Variants in CYP7B1 observed in about 807,000 individuals in gnomAD.
CYP7B1 encodes the protein cytochrome P450 7B1.
In CYP7B1, 29 loss-of-function variants were observed where a neutral mutation model predicts 42.7. That is an observed-to-expected ratio of 0.68 (90% CI 0.51 to 0.93). CYP7B1 has a LOEUF of 0.93. Among genes scored for constraint, CYP7B1 ranks in the 40% least tolerant of loss-of-function variants. The pLI is 0.00. For missense variants in CYP7B1, 655 were observed against 600.5 expected, an observed-to-expected ratio of 1.09 and a Z score of -0.95; for synonymous variants, 235 against 218.2, an observed-to-expected ratio of 1.08 and a Z score of -0.68.
chr8:64,782,328 T>C (rs761164877), intron 1 of CYP7B1, among the ~76,000 whole-genome samples: 25 of 152,114 alleles, frequency 1.6e-4, no homozygotes, highest in Admixed American at 1.3e-4. Flanking sequence ...GTCATGAAGG[T>C]GGAGCTCTCA....
chr8:64,626,835 A>T (rs1229208043), intron 1 of CYP7B1, among the ~76,000 whole-genome samples: 1 of 152,258 alleles, frequency 6.6e-6, no homozygotes, highest in Non-Finnish European at 1.5e-5. Context: ...TGCTACATGC[A>T]GTGCAACTCA....
chr8:64,623,657 T>C (rs967752814), intron 2 of CYP7B1, among the ~76,000 whole-genome samples: 3 of 152,236 alleles, frequency 2.0e-5, no homozygotes, highest in African/African-American at 7.2e-5. Flanking sequence ...GCTGTTTTTT[T>C]CTTCATTTTT....
intron 1 of CYP7B1, among the ~76,000 whole-genome samples, chr8:64,720,848 A>G (rs1807225017): frequency 6.6e-6 from 1 of 152,082 alleles, no homozygotes; most frequent in Non-Finnish European, 1.5e-5. Flanking sequence ...TGAAAGTGCT[A>G]TATACTTTCT....
In CYP7B1 at chr8:64,685,200, C is replaced by T. The variant is rs941288224; in HGVS notation, c.123-60661G>A. ...GGGAGGCAGCGGCTGGAGGAGCGGA[C>T]GGGCCCCGCGGGGCCCGAGGGCAAG... On this transcript the variant is annotated intron_variant, in intron 1 of 5. Transcript: ENST00000310193. Among the ~76,000 whole-genome samples the T allele has an allele frequency of 8.7e-4, 132 of 151,370 alleles. 1 individual carries two copies. The highest frequency in any genetic ancestry group is 4.6e-3 in the South Asian group (22 of 4,760).
At chr8:64,628,602 C>T (rs903548462) in intron 1 of CYP7B1, among the ~76,000 whole-genome samples, 9 of 151,708 alleles carry the variant, frequency 5.9e-5, no homozygotes, top group South Asian at 2.1e-4. Context: ...GAGCCAAGAT[C>T]GCACCACTGC....
chr8:64,661,275 T>C (rs1806195921), intron 1 of CYP7B1, among the ~76,000 whole-genome samples: 1 of 152,100 alleles, frequency 6.6e-6, no homozygotes, highest in African/African-American at 2.4e-5. Flanking sequence ...ATGTCATAGG[T>C]TTCTTCGAGT....
At chr8:64,764,936 C>A (rs567329918) in intron 1 of CYP7B1, among the ~76,000 whole-genome samples, 1 of 151,452 alleles carries the variant, frequency 6.6e-6, no homozygotes, top group Non-Finnish European at 1.5e-5. Flanking sequence ...TCCGACCAGA[C>A]CTAGACAGGA....
intron 1 of CYP7B1, among the ~76,000 whole-genome samples, chr8:64,709,469 A>G (rs77339438): frequency 2.0e-5 from 3 of 152,354 alleles, no homozygotes; most frequent in African/African-American, 7.2e-5. Flanking sequence ...ATGTATATAT[A>G]GTCATTCAAG....
At chr8:64,755,363 T>C (rs1180952014) in intron 1 of CYP7B1, among the ~76,000 whole-genome samples, 1 of 152,192 alleles carries the variant, frequency 6.6e-6, no homozygotes, top group Non-Finnish European at 1.5e-5. Context: ...ATCCCATCCA[T>C]TGTCTGTCTG....
At position 64,617,940 on chromosome 8, in the gene CYP7B1, A is replaced by T. The variant is rs561283143; in HGVS notation, c.260-1659T>A. Among the ~76,000 whole-genome samples, 21 of 150,094 alleles carry T rather than the reference A, an allele frequency of 1.4e-4. No individual in the cohort carries two copies. The South Asian group carries it at 3.9e-3, about 28-fold the overall frequency. Reference sequence around the variant, plus strand: ...TCTAAAAATGACTCAGATGACTTAAATTTTATTCACTCATTTTCCCCTTGA... The same window carrying T: ...TCTAAAAATGACTCAGATGACTTAATTTTTATTCACTCATTTTCCCCTTGA... On this transcript the variant is annotated intron_variant, in intron 2 of 5. Transcript: ENST00000310193.
rs1186991086 is a variant in CYP7B1, at chr8:64,592,934, G to C, written c.*3708C>G. ...GTTACTGGATTTAAGACTGTCACAA[G>C]ATTCTCAATGTTTTGTTTTGGTTCT... On this transcript the variant is annotated 3_prime_UTR_variant, in exon 6 of 6. Coordinates refer to ENST00000310193, the MANE Select transcript of CYP7B1 (RefSeq NM_004820.5). 6.6e-6 allele frequency among the ~76,000 whole-genome samples: 1 copy of C among 152,120 alleles called. No individual in the cohort carries two copies. Among genetic ancestry groups the C allele is most frequent in the Non-Finnish European group, 1.5e-5 (1 of 68,020 alleles).
chr8:64,754,970 A>C (rs1328704112), intron 1 of CYP7B1, among the ~76,000 whole-genome samples: 1 of 152,176 alleles, frequency 6.6e-6, no homozygotes, highest in Non-Finnish European at 1.5e-5. Context: ...TTTCAAGGAG[A>C]CCAAGAAGTG....
At chr8:64,689,485 T>G (rs1806706164) in intron 1 of CYP7B1, among the ~76,000 whole-genome samples, 1 of 152,212 alleles carries the variant, frequency 6.6e-6, no homozygotes, top group Admixed American at 6.5e-5. Flanking sequence ...TGAATGAAAT[T>G]GGTCCATGTT....
chr8:64,773,358 G>A (rs1434287343), intron 1 of CYP7B1, among the ~76,000 whole-genome samples: 3 of 152,104 alleles, frequency 2.0e-5, no homozygotes, highest in Non-Finnish European at 2.9e-5. Flanking sequence ...ACTATTCCCA[G>A]GCTCATATCT....
chr8:64,633,724 A>G (rs969497951), intron 1 of CYP7B1, among the ~76,000 whole-genome samples: 8 of 152,188 alleles, frequency 5.3e-5, no homozygotes, highest in Admixed American at 5.2e-4. Flanking sequence ...TGCAATCCCA[A>G]TCAAAATTCT....
At chr8:64,622,229 G>T (rs1017996166) in intron 2 of CYP7B1, among the ~76,000 whole-genome samples, 1 of 151,548 alleles carries the variant, frequency 6.6e-6, no homozygotes, top group Non-Finnish European at 1.5e-5. Flanking sequence ...ATAAAGCATT[G>T]AAATTAAGTC....
chr8:64,615,066 G>A lies in CYP7B1; in HGVS notation c.1017C>T (p.Ile339=). The change falls in exon 4 of 6, where the codon ATC becomes ATT. Residue 339 remains isoleucine, a synonymous_variant. Coordinates refer to ENST00000310193, the MANE Select transcript of CYP7B1 (RefSeq NM_004820.5). ...TGQKKGSGFP[I]HLTREQLDSL... ...TGTCCAATTGTTCTCTGGTGAGGTG[G>A]ATGGGAAATCCAGACCCTTTCTTTT... 6.2e-7 allele frequency: 1 copy of A among 1,613,700 alleles called. No homozygotes were observed. The highest frequency in any genetic ancestry group is 1.3e-5 in the African/African-American group (1 of 75,004).
chr8:64,706,855 A>G (rs1807006976), intron 1 of CYP7B1, among the ~76,000 whole-genome samples: 2 of 152,000 alleles, frequency 1.3e-5, no homozygotes, highest in South Asian at 2.1e-4. Flanking sequence ...TAAGCCCTCA[A>G]TAAGTAGGAG....
rs1247100300 is a variant in CYP7B1, at chr8:64,592,440, T to G, written c.*4202A>C. 6.6e-6 allele frequency among the ~76,000 whole-genome samples: 1 copy of G among 152,244 alleles called. No homozygotes were observed. Among genetic ancestry groups the G allele is most frequent in the Non-Finnish European group, 1.5e-5 (1 of 68,046 alleles). On this transcript the variant is annotated 3_prime_UTR_variant, in exon 6 of 6. Transcript: ENST00000310193. ...AAGAGATGAATTTATCACTTACAAC[T>G]GCATTTATAATAAATTAGTTGCCTA...
Sources: allele counts gnomAD v4.1 joint callset (sites outside exome capture counted in the v4.1 genomes callset), GRCh38; gene constraint gnomAD v4.1.1; transcripts MANE v1.5; gene names NCBI Gene and HGNC (gene_info 2026-07-23, HGNC 2026-07-21).